The following CCDC122 variants were observed in gnomAD, a reference collection of about 807,000 sequenced individuals.
The protein encoded by CCDC122 is coiled-coil domain containing 122.
Under a neutral mutation model 37.0 loss-of-function variants are expected in CCDC122, and 38 were observed. The observed-to-expected ratio is 1.03, with a 90% CI of 0.79 to 1.35. The LOEUF is 1.35. Among genes scored for constraint, CCDC122 ranks in the 40% most tolerant of loss-of-function variants. The probability of loss-of-function intolerance (pLI) is 0.00; values close to 1 mark genes in which losing one functional copy is unlikely to be tolerated. For synonymous variants in CCDC122, 83 were observed against 95.6 expected (o/e 0.87, Z 0.77); for missense variants, 305 against 310.0 (o/e 0.98, Z 0.12).
intron 6 of CCDC122, among the ~76,000 whole-genome samples, chr13:43,857,858 G>C (rs966093475): frequency 1.3e-5 from 2 of 152,190 alleles, no homozygotes; most frequent in African/African-American, 4.8e-5. Context: ...AGCTGAGATC[G>C]CACCACTGTA....
chr13:43,857,105 T>G (rs1008400675), intron 6 of CCDC122, among the ~76,000 whole-genome samples: 2 of 152,194 alleles, frequency 1.3e-5, no homozygotes, highest in African/African-American at 4.8e-5. Context: ...TTTGCTGTGG[T>G]TTTAATTATC....
chr13:43,823,331 T>A (rs973456197), downstream of CCDC122, among the ~76,000 whole-genome samples: 4 of 152,100 alleles, frequency 2.6e-5, no homozygotes, highest in African/African-American at 9.7e-5. Flanking sequence ...GACAACGTCC[T>A]CTTTACTCTT....
intron 4 of CCDC122, among the ~76,000 whole-genome samples, chr13:43,867,215 T>C (rs762370911): frequency 6.6e-6 from 1 of 152,132 alleles, no homozygotes; most frequent in Non-Finnish European, 1.5e-5. Context: ...TTGCTTAAAA[T>C]CTGTCAAATG....
At chr13:43,832,146 A>C (rs1953095921), downstream of CCDC122, among the ~76,000 whole-genome samples, 1 of 143,582 alleles carries the variant, frequency 7.0e-6, no homozygotes. Context: ...AAAAAAAAAA[A>C]CTACTTCCCT....
Position 43,852,274 on chromosome 13 carries a change from T to C in CCDC122, c.672+6507A>G, listed in dbSNP as rs1225112086. Among the ~76,000 whole-genome samples the C allele has an allele frequency of 2.0e-5, 3 of 152,096 alleles. No individual in the cohort carries two copies. The East Asian group carries it at 5.8e-4, about 29-fold the overall frequency. On this transcript the variant is annotated intron_variant, in intron 6 of 6. Transcript: ENST00000444614. The stretch of plus-strand genomic sequence containing the variant: ...AGGAGCTGACAGACAAAATAGCCAG[T>C]ATAGAAAAGAACCTAAGTGACCTGA...
chr13:43,844,024 TTC>T (rs1953438421), intron 6 of CCDC122, among the ~76,000 whole-genome samples: 2 of 151,990 alleles, frequency 1.3e-5, no homozygotes, highest in South Asian at 4.1e-4. Context: ...TTTCTCGTTT[TTC>T]TGTTTTCTAT....
At chr13:43,829,648 A>G (rs574461340) in intron 3 of CCDC122, among the ~76,000 whole-genome samples, 4 of 152,190 alleles carry the variant, frequency 2.6e-5, no homozygotes, top group African/African-American at 9.6e-5. Context: ...GAGAGAACCA[A>G]GATGATTATA....
intron 6 of CCDC122, among the ~76,000 whole-genome samples, chr13:43,840,120 T>G (rs976464868): frequency 6.6e-6 from 1 of 152,076 alleles, no homozygotes. Context: ...CTAAGTTAGG[T>G]TTTCCATCTT....
At chr13:43,850,479 G>A (rs946949691) in intron 6 of CCDC122, among the ~76,000 whole-genome samples, 1 of 152,104 alleles carries the variant, frequency 6.6e-6, no homozygotes, top group Non-Finnish European at 1.5e-5. Context: ...AGGAATATAA[G>A]ATATAAGAAA....
chr13:43,822,795 C>T (rs1485101930), downstream of CCDC122, among the ~76,000 whole-genome samples: 4 of 152,098 alleles, frequency 2.6e-5, no homozygotes, highest in Non-Finnish European at 5.9e-5. Flanking sequence ...CTTCAGTCAG[C>T]TTGTGATGAA....
chr13:43,852,052 A>C (rs1225000223), intron 6 of CCDC122, among the ~76,000 whole-genome samples: 1 of 152,032 alleles, frequency 6.6e-6, no homozygotes, highest in African/African-American at 2.4e-5. Flanking sequence ...CAGCACAAAA[A>C]CCCTGATAAC....
At chr13:43,847,158 G>A (rs1042971394) in intron 6 of CCDC122, among the ~76,000 whole-genome samples, 3 of 152,140 alleles carry the variant, frequency 2.0e-5, no homozygotes, top group South Asian at 4.1e-4. Flanking sequence ...AAATAATTAC[G>A]TAGGCCAATT....
At chr13:43,832,897 T>C (rs1953103257), downstream of CCDC122, among the ~76,000 whole-genome samples, 2 of 152,150 alleles carry the variant, frequency 1.3e-5, no homozygotes, top group Non-Finnish European at 2.9e-5. Flanking sequence ...TTAAATGAAA[T>C]CATGTATACA....
At chr13:43,831,026 G>A (rs1217752662) in intron 3 of CCDC122, among the ~76,000 whole-genome samples, 1 of 152,180 alleles carries the variant, frequency 6.6e-6, no homozygotes, top group East Asian at 1.9e-4. Context: ...TAAATTAGTG[G>A]AAGGTTAGAA....
At chr13:43,825,124 C>T (rs1041692051) in intron 3 of CCDC122, among the ~76,000 whole-genome samples, 3 of 152,124 alleles carry the variant, frequency 2.0e-5, no homozygotes, top group Non-Finnish European at 2.9e-5. Flanking sequence ...AAGCACTATT[C>T]GCAATAGCAA....
At chr13:43,846,486 C>G (rs1259505815) in intron 6 of CCDC122, among the ~76,000 whole-genome samples, 1 of 152,204 alleles carries the variant, frequency 6.6e-6, no homozygotes, top group Non-Finnish European at 1.5e-5. Flanking sequence ...TTCTAATAGT[C>G]AGTTAAATTA....
rs75159784 is a variant in CCDC122 at position 43,830,719 on chromosome 13, A to T, written n.602-6708T>A. On this transcript the variant is annotated intron_variant and non_coding_transcript_variant, in intron 3 of 3. Transcript: ENST00000470137. ...GCATGTCAAAGTAAAGAGATGATAG[A>T]TTCTTGCATAAACCGGTTCTAAATG... 2.8e-4 allele frequency among the ~76,000 whole-genome samples: 43 copies of T among 152,342 alleles called. No homozygotes were observed. In the East Asian group the frequency reaches 8.3e-3, roughly 29 times the overall value.
chr13:43,870,155 G>A (rs1467440247), intron 2 of CCDC122, among the ~76,000 whole-genome samples: 1 of 150,644 alleles, frequency 6.6e-6, no homozygotes. Context: ...CCTGTGTAGA[G>A]ATCAAATCTA....
At chr13:43,858,633 TTAA>T (rs1954005458) in intron 6 of CCDC122, 145 bp downstream of exon 6, 1 of 482,760 alleles carries the variant, frequency 2.1e-6, no homozygotes, top group Non-Finnish European at 3.2e-6. Flanking sequence ...TAGTTATCTA[TTAA>T]TGATTTGTAT....
Sources: allele counts gnomAD v4.1 joint callset (sites outside exome capture counted in the v4.1 genomes callset), GRCh38; gene constraint gnomAD v4.1.1; transcripts MANE v1.5; gene names NCBI Gene and HGNC (gene_info 2026-07-23, HGNC 2026-07-21).